LRRC40: variants seen among roughly 807,000 people sequenced by gnomAD.
LRRC40 encodes the protein leucine rich repeat containing 40.
In LRRC40, 76 loss-of-function variants were observed where a neutral mutation model predicts 72.8. The observed-to-expected ratio is 1.04, with a 90% CI of 0.87 to 1.26. The LOEUF is 1.26. Ranked by LOEUF, LRRC40 falls within the 50% of genes most tolerant of loss-of-function variation. The probability of loss-of-function intolerance (pLI) is 0.00; values close to 1 mark genes in which losing one functional copy is unlikely to be tolerated. For missense variants in LRRC40, 684 were observed against 698.9 expected (o/e 0.98, Z 0.24); for synonymous variants, 243 against 254.2 (o/e 0.96, Z 0.42).
Position 70,187,358 on chromosome 1 carries a change from A to G in LRRC40, c.334-20T>C, listed in dbSNP as rs777028146. The G allele has an allele frequency of 7.4e-6, 9 of 1,213,956 alleles. No individual in the cohort carries two copies. The highest frequency in any genetic ancestry group is 6.0e-5 in the African/African-American group (4 of 66,346). The allele number at this position is 1,213,956 out of a possible 1,614,324, so 75.2% of individuals were successfully genotyped here. On this transcript the variant is annotated intron_variant, in intron 2 of 14. Coordinates refer to ENST00000370952, the MANE Select transcript of LRRC40 (RefSeq NM_017768.5). ...ATGTATCTAAAAGTTTTTAAAAGAC[A>G]AAGTCAATATTCTTAGTCTTATCAT...
At chr1:70,152,567 T>C in intron 11 of LRRC40, 24 bp from the exon 12 acceptor site, 2 of 1,257,308 alleles carry the variant, frequency 1.6e-6, no homozygotes, top group Non-Finnish European at 2.3e-6. Context: ...AATTTTAAAA[T>C]GTTAGCACTT....
rs59341874 is a variant in LRRC40, at chr1:70,190,677, TAAAAAA to T, written c.152-1410_152-1405del. 7.4e-5 allele frequency among the ~76,000 whole-genome samples: 4 copies of T among 54,360 alleles called. 1 individual carries two copies. The East Asian group carries it at 1.4e-3, about 20-fold the overall frequency. The allele number at this position is 54,360 out of a possible 152,430, so 35.7% of individuals were successfully genotyped here. On this transcript the variant is annotated intron_variant, in intron 1 of 14. Coordinates refer to ENST00000370952, the MANE Select transcript of LRRC40 (RefSeq NM_017768.5). ...GGGAAACAGAGTGAGACCCTGTCTC[TAAAAAA>T]AAAAAAAAAAAAACTTAAAAAAAGA...
At chr1:70,189,426 A>G (rs1413842427) in intron 1 of LRRC40, among the ~76,000 whole-genome samples, 153 bp from the exon 2 acceptor site, 5 of 152,216 alleles carry the variant, frequency 3.3e-5, no homozygotes, top group Non-Finnish European at 7.3e-5. Flanking sequence ...ATAGCAATAA[A>G]TATAACTAGA....
intron 9 of LRRC40, among the ~76,000 whole-genome samples, chr1:70,161,731 G>A (rs1667768554): frequency 6.6e-6 from 1 of 151,924 alleles, no homozygotes; most frequent in Non-Finnish European, 1.5e-5. Flanking sequence ...GTTTAGAAGG[G>A]GTTGGAAAAG....
intron 9 of LRRC40, among the ~76,000 whole-genome samples, chr1:70,168,326 G>C (rs1036893683): frequency 4.6e-5 from 7 of 152,142 alleles, no homozygotes; most frequent in Admixed American, 2.0e-4. Flanking sequence ...TCTTCCCCTG[G>C]CTCATAAGTT....
chr1:70,164,837 A>C (rs1571452961), intron 9 of LRRC40, among the ~76,000 whole-genome samples: 1 of 152,378 alleles, frequency 6.6e-6, no homozygotes, highest in East Asian at 1.9e-4. Context: ...CAATAAAAAC[A>C]AATTTTTAAA....
intron 2 of LRRC40, among the ~76,000 whole-genome samples, chr1:70,188,561 C>T (rs1458236917): frequency 1.3e-5 from 2 of 151,656 alleles, no homozygotes; most frequent in Admixed American, 1.3e-4. Context: ...ATAGTGAGAC[C>T]CTCATCTCTA....
chr1:70,189,053 C>A, intron 2 of LRRC40, 39 bp downstream of exon 2: 1 of 1,555,788 alleles, frequency 6.4e-7, no homozygotes, highest in South Asian at 1.2e-5. Context: ...TTTAGAGTCT[C>A]TTCAATTAAT....
intron 4 of LRRC40, among the ~76,000 whole-genome samples, chr1:70,181,974 G>A (rs1668256552): frequency 6.6e-6 from 1 of 151,950 alleles, no homozygotes; most frequent in South Asian, 2.1e-4. Context: ...GTGTTAAGCA[G>A]TGTCAATGGC....
chr1:70,175,730 GGTT>G lies in LRRC40; in HGVS notation c.977+77_977+79del, dbSNP rs1297200896. On this transcript the variant is annotated intron_variant, in intron 7 of 14. Coordinates refer to ENST00000370952, the MANE Select transcript of LRRC40 (RefSeq NM_017768.5). ...TCAATTTAGAAAAAAGGAACCTCTT[GGTT>G]TTTTAACAAATATTTCAAATTATGA... is the stretch of plus-strand genomic sequence containing the variant. The G allele has an allele frequency of 4.8e-6, 5 of 1,047,430 alleles. No individual in the cohort carries two copies. The African/African-American group carries it at 8.5e-5, about 18-fold the overall frequency. 64.9% of individuals were successfully genotyped at this position (1,047,430 alleles called of 1,614,324 possible). A position where few individuals can be genotyped will look rare whatever the true frequency, so the allele number is the denominator to read the frequency against.
intron 4 of LRRC40, among the ~76,000 whole-genome samples, chr1:70,182,945 C>G (rs937284890): frequency 1.3e-5 from 2 of 152,048 alleles, no homozygotes; most frequent in Non-Finnish European, 2.9e-5. Flanking sequence ...TTTAAATTTT[C>G]CTTTCAGCTC....
chr1:70,166,748 C>G (rs1667889055), intron 9 of LRRC40, among the ~76,000 whole-genome samples: 1 of 151,580 alleles, frequency 6.6e-6, no homozygotes, highest in Non-Finnish European at 1.5e-5. Context: ...AGATATTCCT[C>G]TTTTTATTAT....
intron 1 of LRRC40, among the ~76,000 whole-genome samples, chr1:70,201,538 C>T (rs1005578836): frequency 5.3e-4 from 80 of 152,214 alleles, no homozygotes; most frequent in African/African-American, 1.7e-3. Context: ...TGATCAACAA[C>T]AAGGAAACGA....
At chr1:70,186,304 C>T (rs1038489333) in intron 3 of LRRC40, among the ~76,000 whole-genome samples, 1 of 152,162 alleles carries the variant, frequency 6.6e-6, no homozygotes, top group Non-Finnish European at 1.5e-5. Context: ...ACACTTACTG[C>T]TTCCTCTCTT....
At chr1:70,194,669 A>C (rs1668570208) in intron 1 of LRRC40, among the ~76,000 whole-genome samples, 1 of 152,096 alleles carries the variant, frequency 6.6e-6, no homozygotes, top group South Asian at 2.1e-4. Context: ...ATTCAGCACA[A>C]TCCTAATAAA....
chr1:70,160,978 T>C (rs1014277101), intron 9 of LRRC40, among the ~76,000 whole-genome samples: 8 of 151,802 alleles, frequency 5.3e-5, no homozygotes, highest in African/African-American at 1.7e-4. Context: ...TAGAAGATCC[T>C]ATAGGTTTCC....
intron 9 of LRRC40, among the ~76,000 whole-genome samples, chr1:70,168,123 C>T (rs980102279): frequency 6.6e-6 from 1 of 152,160 alleles, no homozygotes; most frequent in African/African-American, 2.4e-5. Context: ...AGCCCCAAAC[C>T]CTATCTCCCA....
At chr1:70,181,279 G>A in intron 4 of LRRC40, 70 bp from the exon 5 acceptor site, 1 of 998,404 alleles carries the variant, frequency 1.0e-6, no homozygotes, top group Non-Finnish European at 1.4e-6. Context: ...CCCTAAAAAG[G>A]ATTTCAAATT....
At chr1:70,170,171 T>G (rs1035346152) in intron 9 of LRRC40, among the ~76,000 whole-genome samples, 1 of 152,070 alleles carries the variant, frequency 6.6e-6, no homozygotes, top group Non-Finnish European at 1.5e-5. Flanking sequence ...TCTCAACAGA[T>G]GCAGAAAAAA....
Sources: gnomAD v4.1 joint callset for allele counts (sites outside exome capture counted in the v4.1 genomes callset) on GRCh38, gnomAD v4.1.1 for gene constraint, MANE v1.5 for transcripts, NCBI Gene and HGNC (gene_info 2026-07-23, HGNC 2026-07-21) for gene names.